Variants in PLD1 observed in about 807,000 individuals in gnomAD.
PLD1 encodes the protein phospholipase D1.
Under a neutral mutation model 137.1 loss-of-function variants are expected in PLD1, and 112 were observed. That is an observed-to-expected ratio of 0.82 (90% CI 0.70 to 0.96). The LOEUF (loss-of-function observed/expected upper bound fraction) is 0.96. Ranked by LOEUF, PLD1 falls within the 40% of genes least tolerant of loss-of-function variation. PLD1 has a pLI of 0.00. For synonymous variants in PLD1, 431 were observed against 454.7 expected (o/e 0.95, Z 0.66); for missense variants, 1,321 against 1,342.0 (o/e 0.98, Z 0.24).
rs74894415 is a variant in PLD1, at chr3:171,793,113, G to A, written c.-32+17286C>T. 839 of 167,028 alleles carry A rather than the reference G, an allele frequency of 5.0e-3. 11 individuals carry two copies. The highest frequency in any genetic ancestry group is 0.019 in the African/African-American group (804 of 41,686). 10.3% of individuals were successfully genotyped at this position (167,028 alleles called of 1,614,324 possible). On this transcript the variant is annotated intron_variant, in intron 1 of 26. Transcript: ENST00000351298. Reference sequence around the variant, plus strand: ...TGCTGGCAGGGTCTGAAGACATTTCGTAATCTGTCTCCACTTTTGATCCCT... The same window carrying A: ...TGCTGGCAGGGTCTGAAGACATTTCATAATCTGTCTCCACTTTTGATCCCT...
At chr3:171,615,948 A>G (rs931464306) in intron 24 of PLD1, among the ~76,000 whole-genome samples, 1 of 152,092 alleles carries the variant, frequency 6.6e-6, no homozygotes, top group Non-Finnish European at 1.5e-5. Flanking sequence ...TCCAACTTAC[A>G]CTCCCAACAG....
chr3:171,760,501 T>C (rs1020839136), intron 1 of PLD1, among the ~76,000 whole-genome samples: 6 of 152,224 alleles, frequency 3.9e-5, no homozygotes, highest in African/African-American at 1.2e-4. Flanking sequence ...TCCTCTAGTT[T>C]CAGAGAATTT....
At chr3:171,638,823 A>G (rs112614968) in intron 23 of PLD1, among the ~76,000 whole-genome samples, 1,630 of 152,206 alleles carry the variant, frequency 0.011, 21 homozygotes, top group African/African-American at 0.038. Context: ...TTAGCATTTG[A>G]ATTCGTGGAT....
chr3:171,799,941 C>A (rs746528001), intron 1 of PLD1, among the ~76,000 whole-genome samples: 1 of 152,078 alleles, frequency 6.6e-6, no homozygotes, highest in East Asian at 1.9e-4. Context: ...CCATGATAAC[C>A]AAGGGAGCCC....
At chr3:171,639,942 T>C (rs1735602905) in intron 23 of PLD1, among the ~76,000 whole-genome samples, 1 of 149,604 alleles carries the variant, frequency 6.7e-6, no homozygotes, top group Non-Finnish European at 1.5e-5. Context: ...CTATCTGGGC[T>C]AATTTGTTGG....
chr3:171,755,635 T>A (rs1227522025), intron 1 of PLD1, among the ~76,000 whole-genome samples: 1 of 152,232 alleles, frequency 6.6e-6, no homozygotes, highest in African/African-American at 2.4e-5. Flanking sequence ...TTAAAATACA[T>A]GCTGATGTTT....
At chr3:171,776,923 T>C (rs776381398) in intron 1 of PLD1, among the ~76,000 whole-genome samples, 29 of 152,226 alleles carry the variant, frequency 1.9e-4, no homozygotes, top group Non-Finnish European at 2.5e-4. Flanking sequence ...ACAAATTTTA[T>C]CTCAAGGTTA....
At chr3:171,747,102 T>G (rs1352682220) in intron 1 of PLD1, among the ~76,000 whole-genome samples, 2 of 152,146 alleles carry the variant, frequency 1.3e-5, no homozygotes, top group Non-Finnish European at 2.9e-5. Context: ...GCTTCACTCC[T>G]GAGGCCAGCG....
At chr3:171,643,714 C>A (rs1195186860) in intron 22 of PLD1, among the ~76,000 whole-genome samples, 1 of 149,226 alleles carries the variant, frequency 6.7e-6, no homozygotes, top group African/African-American at 2.5e-5. Flanking sequence ...TTCAATTAAA[C>A]ATTATGTCAG....
chr3:171,686,110 C>T (rs1026594019), intron 16 of PLD1, among the ~76,000 whole-genome samples: 2 of 117,364 alleles, frequency 1.7e-5, no homozygotes, highest in African/African-American at 6.5e-5. Context: ...GGTGACAGAG[C>T]AAGACTCTAT....
chr3:171,686,660 T>G (rs749537215), intron 16 of PLD1, 25 bp downstream of exon 16: 16 of 1,158,244 alleles, frequency 1.4e-5, no homozygotes, highest in Non-Finnish European at 1.9e-5. Flanking sequence ...CCTAAGGGAG[T>G]TCTGCCACTT....
At chr3:171,614,235 T>C (rs918767563) in intron 24 of PLD1, among the ~76,000 whole-genome samples, 28 of 152,224 alleles carry the variant, frequency 1.8e-4, no homozygotes, top group African/African-American at 5.8e-4. Context: ...GGAGTGCTGC[T>C]GAAAAGTGGG....
chr3:171,796,851 C>G (rs1723457167), intron 1 of PLD1, among the ~76,000 whole-genome samples: 1 of 152,146 alleles, frequency 6.6e-6, no homozygotes, highest in Non-Finnish European at 1.5e-5. Flanking sequence ...TCTTCATGCT[C>G]TTCTTCAGCC....
chr3:171,652,439 C>A (rs1578194018), intron 21 of PLD1, among the ~76,000 whole-genome samples: 1 of 149,930 alleles, frequency 6.7e-6, no homozygotes, highest in African/African-American at 2.5e-5. Flanking sequence ...AAAGGTACTG[C>A]AGTTGAATTT....
At chr3:171,808,971 T>C (rs1266865172) in intron 1 of PLD1, among the ~76,000 whole-genome samples, 1 of 151,958 alleles carries the variant, frequency 6.6e-6, no homozygotes, top group Non-Finnish European at 1.5e-5. Flanking sequence ...ATTACAGGCG[T>C]GTGCCACCAC....
At chr3:171,714,674 A>G (rs1485168597) in intron 8 of PLD1, among the ~76,000 whole-genome samples, 2 of 152,228 alleles carry the variant, frequency 1.3e-5, no homozygotes, top group African/African-American at 4.8e-5. Flanking sequence ...TGGGAATTGC[A>G]TTATGTTTTA....
intron 1 of PLD1, among the ~76,000 whole-genome samples, chr3:171,787,384 T>C (rs1263831692): frequency 6.6e-6 from 1 of 152,184 alleles, no homozygotes; most frequent in Non-Finnish European, 1.5e-5. Flanking sequence ...TGTGATCAAA[T>C]TACTTTCTCT....
chr3:171,728,915 C>T (rs1364970353), intron 6 of PLD1, among the ~76,000 whole-genome samples: 1 of 147,054 alleles, frequency 6.8e-6, no homozygotes, highest in Non-Finnish European at 1.5e-5. Flanking sequence ...CCAGAAGGAA[C>T]CAGGCCTATT....
chr3:171,605,170 C>G (rs1450074890), intron 26 of PLD1, 129 bp downstream of exon 26: 7 of 700,384 alleles, frequency 1.0e-5, no homozygotes, highest in Non-Finnish European at 1.3e-5. Flanking sequence ...TTATTACAAC[C>G]TGGACATGTA....
Sources: allele counts gnomAD v4.1 joint callset (sites outside exome capture counted in the v4.1 genomes callset), GRCh38; gene constraint gnomAD v4.1.1; transcripts MANE v1.5; gene names NCBI Gene and HGNC (gene_info 2026-07-23, HGNC 2026-07-21).